Variants in AFAP1 observed in about 807,000 individuals in gnomAD.
AFAP1 encodes the protein actin filament-associated protein 1.
Under a neutral mutation model 93.9 loss-of-function variants are expected in AFAP1, and 75 were observed. The observed-to-expected ratio is 0.80, with a 90% CI of 0.66 to 0.97. AFAP1 has a LOEUF of 0.97. AFAP1 is among the 50% of genes least tolerant of loss of function. The pLI, the probability that AFAP1 is intolerant of heterozygous loss-of-function variation, is 0.00. For missense variants in AFAP1, 1,201 were observed against 1,050.8 expected, an observed-to-expected ratio of 1.14 and a Z score of -1.98; for synonymous variants, 517 against 430.7, an observed-to-expected ratio of 1.20 and a Z score of -2.48.
chr4:7,787,216 G>C (rs985342453), intron 11 of AFAP1, among the ~76,000 whole-genome samples: 2 of 152,252 alleles, frequency 1.3e-5, no homozygotes, highest in Non-Finnish European at 2.9e-5. Flanking sequence ...CTTCTGGACT[G>C]TGTGTATGCG....
At chr4:7,768,548 G>A (rs1714946759) in intron 17 of AFAP1, among the ~76,000 whole-genome samples, 1 of 152,168 alleles carries the variant, frequency 6.6e-6, no homozygotes, top group African/African-American at 2.4e-5. Context: ...GAGAAAACGA[G>A]TCCAGAGGAG....
In AFAP1 at chr4:7,763,755, C is replaced by G; in HGVS notation, c.*10G>C. The G allele has an allele frequency of 6.4e-7, 1 of 1,551,618 alleles. No individual in the cohort carries two copies. The highest frequency in any genetic ancestry group is 8.7e-7 in the Non-Finnish European group (1 of 1,146,966). Reference sequence around the variant, plus strand: ...TGCAGTCTCTGAGGCTGGAGTGGTGCTGCTGTCCCCTAGGTCCCGTTCTTC... The same window carrying G: ...TGCAGTCTCTGAGGCTGGAGTGGTGGTGCTGTCCCCTAGGTCCCGTTCTTC... On this transcript the variant is annotated 3_prime_UTR_variant, in exon 18 of 18. Coordinates refer to ENST00000420658, the MANE Select transcript of AFAP1 (RefSeq NM_001134647.2).
In AFAP1 at chr4:7,871,432, T is replaced by TAGA. The variant is rs1485579254; in HGVS notation, c.127+519_127+520insTCT. Among the ~76,000 whole-genome samples the TAGA allele has an allele frequency of 2.2e-3, 336 of 152,328 alleles. 2 individuals are homozygous for TAGA. The highest frequency in any genetic ancestry group is 7.6e-3 in the African/African-American group (315 of 41,592). On this transcript the variant is annotated intron_variant, in intron 2 of 17. Transcript: ENST00000420658. ...GAGGACCGGACCCAAGTAAAAACCC[T>TAGA]GGACACCGAGTCTCTGATGAGCCTG...
At chr4:7,808,950 C>A (rs1288658824) in intron 9 of AFAP1, among the ~76,000 whole-genome samples, 1 of 152,152 alleles carries the variant, frequency 6.6e-6, no homozygotes, top group Non-Finnish European at 1.5e-5. Flanking sequence ...GCCTGCAGAA[C>A]CATAAGCCAG....
intron 1 of AFAP1, among the ~76,000 whole-genome samples, chr4:7,882,370 T>C (rs1224806585): frequency 1.3e-5 from 2 of 148,552 alleles, no homozygotes; most frequent in African/African-American, 2.5e-5. Context: ...TTCCAGAGGA[T>C]AAAATACACA....
chr4:7,919,027 G>C (rs1367577668), intron 1 of AFAP1, among the ~76,000 whole-genome samples: 2 of 151,008 alleles, frequency 1.3e-5, no homozygotes, highest in Non-Finnish European at 1.5e-5. Context: ...ACTCGGCCCA[G>C]GTCACCAGGA....
chr4:7,937,709 A>G (rs1721472412), intron 1 of AFAP1, among the ~76,000 whole-genome samples: 3 of 151,830 alleles, frequency 2.0e-5, no homozygotes, highest in Non-Finnish European at 4.4e-5. Context: ...CTGGTCTCGA[A>G]CTCCTGACCT....
At chr4:7,884,954 C>G (rs73073932) in intron 1 of AFAP1, among the ~76,000 whole-genome samples, 169 of 152,292 alleles carry the variant, frequency 1.1e-3, no homozygotes, top group African/African-American at 3.9e-3. Flanking sequence ...CCCACCACAC[C>G]TCTGTGCTTT....
At chr4:7,865,671 C>T (rs776291679) in intron 3 of AFAP1, among the ~76,000 whole-genome samples, 5 of 152,184 alleles carry the variant, frequency 3.3e-5, no homozygotes, top group Non-Finnish European at 5.9e-5. Flanking sequence ...ATCAATCATT[C>T]GATGGTTGAA....
intron 6 of AFAP1, among the ~76,000 whole-genome samples, chr4:7,829,440 G>A (rs1306069374): frequency 2.0e-5 from 3 of 152,170 alleles, no homozygotes; most frequent in Non-Finnish European, 4.4e-5. Context: ...CCTCTTAAAA[G>A]GAAATGGGGG....
At chr4:7,927,295 G>C (rs113624358) in intron 1 of AFAP1, among the ~76,000 whole-genome samples, 115 of 152,298 alleles carry the variant, frequency 7.6e-4, no homozygotes, top group African/African-American at 2.6e-3. Context: ...ACAGCTAAGA[G>C]CTCCGAAGCC....
At chr4:7,904,225 G>A (rs926371696) in intron 1 of AFAP1, among the ~76,000 whole-genome samples, 1 of 152,098 alleles carries the variant, frequency 6.6e-6, no homozygotes, top group African/African-American at 2.4e-5. Flanking sequence ...GGAGACTGAA[G>A]CTGTCCAGCA....
chr4:7,914,451 C>T (rs749965805), intron 1 of AFAP1, among the ~76,000 whole-genome samples: 3 of 152,156 alleles, frequency 2.0e-5, no homozygotes, highest in Non-Finnish European at 2.9e-5. Flanking sequence ...CAGTTCCACC[C>T]ACGTTGCTGA....
chr4:7,803,860 C>T (rs998586386), intron 9 of AFAP1, among the ~76,000 whole-genome samples: 1 of 151,922 alleles, frequency 6.6e-6, no homozygotes, highest in Admixed American at 6.6e-5. Context: ...CCCCAATTTT[C>T]CCCCCAAAAA....
chr4:7,879,717 T>TTTTTTTTTTTTG (rs1354591178), intron 1 of AFAP1, among the ~76,000 whole-genome samples: 1 of 149,138 alleles, frequency 6.7e-6, no homozygotes, highest in African/African-American at 2.5e-5. Context: ...TTTTTTTTTT[T>TTTTTTTTTTTTG]GTGAGACAGG....
Position 7,841,433 on chromosome 4 carries a change from G to A in AFAP1, c.546+1706C>T, listed in dbSNP as rs531654967. 2.6e-5 allele frequency among the ~76,000 whole-genome samples: 4 copies of A among 152,332 alleles called. No homozygotes were observed. In the East Asian group the frequency reaches 7.7e-4, roughly 29 times the overall value. On this transcript the variant is annotated intron_variant, in intron 5 of 17. Coordinates refer to ENST00000420658, the MANE Select transcript of AFAP1 (RefSeq NM_001134647.2). ...GAAATGCAACCTTCAGTCCTGAAGC[G>A]GGAATCTAGGTACATCACAGTACCC...
At chr4:7,880,508 GACCTGAT>G (rs1717777677) in intron 1 of AFAP1, among the ~76,000 whole-genome samples, 1 of 152,122 alleles carries the variant, frequency 6.6e-6, no homozygotes, top group South Asian at 2.1e-4. Flanking sequence ...TGGAACCCCT[GACCTGAT>G]GATCCACCCA....
chr4:7,892,218 GCAC>G (rs1718513219), intron 1 of AFAP1, among the ~76,000 whole-genome samples: 1 of 152,128 alleles, frequency 6.6e-6, no homozygotes. Context: ...AGAGGCTCCG[GCAC>G]CATTTCTAAG....
At chr4:7,925,292 G>A (rs1032817648) in intron 1 of AFAP1, among the ~76,000 whole-genome samples, 16 of 152,268 alleles carry the variant, frequency 1.1e-4, no homozygotes, top group East Asian at 9.7e-4. Flanking sequence ...TCCACAAAAC[G>A]CGGCTTCCTT....
Sources: gnomAD v4.1 joint callset for allele counts (sites outside exome capture counted in the v4.1 genomes callset) on GRCh38, gnomAD v4.1.1 for gene constraint, MANE v1.5 for transcripts, NCBI Gene and HGNC (gene_info 2026-07-23, HGNC 2026-07-21) for gene names.